Variants in CNBD1 observed in about 807,000 individuals in gnomAD.
The protein encoded by CNBD1 is cyclic nucleotide-binding domain-containing protein 1.
Under a neutral mutation model 54.4 loss-of-function variants are expected in CNBD1, and 71 were observed. The ratio of observed to expected loss-of-function variants is 1.30; its 90% CI spans 1.08 to 1.59. The LOEUF is 1.59. CNBD1 is among the 40% of genes most tolerant of loss of function. The pLI is 0.00. For synonymous variants in CNBD1, 182 were observed against 170.7 expected (o/e 1.07, Z -0.51); for missense variants, 659 against 518.0 (o/e 1.27, Z -2.64).
At chr8:87,244,926 TTTATC>T (rs1563521959) in intron 6 of CNBD1, among the ~76,000 whole-genome samples, 2 of 152,184 alleles carry the variant, frequency 1.3e-5, no homozygotes, top group Admixed American at 1.3e-4. Flanking sequence ...TTACATTTAT[TTTATC>T]TAAACTGATG....
chr8:87,239,495 T>A (rs954811599), intron 6 of CNBD1, among the ~76,000 whole-genome samples: 1 of 152,144 alleles, frequency 6.6e-6, no homozygotes, highest in Non-Finnish European at 1.5e-5. Flanking sequence ...TCTTTCTCCC[T>A]TTTTTGGCTT....
intron 8 of CNBD1, among the ~76,000 whole-genome samples, chr8:87,342,767 G>A (rs1007293667): frequency 2.0e-5 from 3 of 152,100 alleles, no homozygotes; most frequent in African/African-American, 7.2e-5. Context: ...AGGTCACAAG[G>A]ATCACATGCT....
intron 8 of CNBD1, among the ~76,000 whole-genome samples, chr8:87,333,128 A>C (rs1213454667): frequency 6.6e-6 from 1 of 152,010 alleles, no homozygotes; most frequent in African/African-American, 2.4e-5. Context: ...TATTCTCTTC[A>C]TAGCAATTGT....
intron 2 of CNBD1, among the ~76,000 whole-genome samples, chr8:87,424,684 A>T (rs962977692): frequency 6.6e-6 from 1 of 152,150 alleles, no homozygotes; most frequent in Non-Finnish European, 1.5e-5. Flanking sequence ...TTCTGCCAAG[A>T]GATCCGCTGT....
chr8:87,117,901 A>G (rs1239914509), intron 4 of CNBD1, among the ~76,000 whole-genome samples: 1 of 152,176 alleles, frequency 6.6e-6, no homozygotes, highest in Non-Finnish European at 1.5e-5. Flanking sequence ...TGTAATAAGA[A>G]CTTAGGATAT....
intron 4 of CNBD1, among the ~76,000 whole-genome samples, chr8:86,940,132 C>CTTTTTT (rs10671983): frequency 0.43 from 37,835 of 87,592 alleles, 10,698 homozygotes; most frequent in South Asian, 0.6. Context: ...CCACATGTTA[C>CTTTTTT]TTTTTTTTTT....
chr8:87,178,633 A>G (rs1022129419), intron 4 of CNBD1, among the ~76,000 whole-genome samples: 8 of 152,222 alleles, frequency 5.3e-5, no homozygotes, highest in African/African-American at 1.9e-4. Flanking sequence ...GGCATAGTAC[A>G]GTATTGAGCA....
At chr8:87,284,194 T>C (rs1808649247) in intron 6 of CNBD1, among the ~76,000 whole-genome samples, 1 of 152,138 alleles carries the variant, frequency 6.6e-6, no homozygotes, top group Non-Finnish European at 1.5e-5. Context: ...TGTATTCTAG[T>C]AGTAACATTT....
At chr8:87,061,175 ATTC>A (rs1418729211) in intron 4 of CNBD1, among the ~76,000 whole-genome samples, 2 of 152,194 alleles carry the variant, frequency 1.3e-5, no homozygotes, top group Non-Finnish European at 2.9e-5. Flanking sequence ...ATTGGAAAAA[ATTC>A]TTCTGCTCAA....
chr8:86,889,596 G>C (rs1022521985), intron 2 of CNBD1, among the ~76,000 whole-genome samples: 1 of 151,988 alleles, frequency 6.6e-6, no homozygotes, highest in Non-Finnish European at 1.5e-5. Context: ...AGTTTCTTCT[G>C]TTAGAATAAA....
chr8:86,925,403 G>C (rs764563152), intron 3 of CNBD1, among the ~76,000 whole-genome samples: 3 of 151,888 alleles, frequency 2.0e-5, no homozygotes, highest in Non-Finnish European at 4.4e-5. Flanking sequence ...GAATCTTACA[G>C]CAAACATCTT....
intron 8 of CNBD1, among the ~76,000 whole-genome samples, chr8:87,300,160 C>T (rs1808956544): frequency 6.6e-6 from 1 of 151,892 alleles, no homozygotes; most frequent in South Asian, 2.1e-4. Flanking sequence ...TATCAAAACT[C>T]AATATTATAG....
chr8:86,973,485 A>G (rs1319869578), intron 4 of CNBD1, among the ~76,000 whole-genome samples: 1 of 152,226 alleles, frequency 6.6e-6, no homozygotes, highest in Non-Finnish European at 1.5e-5. Context: ...CATGGCTTAC[A>G]TATAATTCAT....
intron 4 of CNBD1, among the ~76,000 whole-genome samples, chr8:87,009,430 A>G (rs928294713): frequency 6.6e-6 from 1 of 152,000 alleles, no homozygotes; most frequent in African/African-American, 2.4e-5. Context: ...CCTCCCGAGT[A>G]ACTGAGACTA....
chr8:86,941,949 C>T (rs981322226), intron 4 of CNBD1, among the ~76,000 whole-genome samples: 3 of 152,168 alleles, frequency 2.0e-5, no homozygotes, highest in African/African-American at 4.8e-5. Flanking sequence ...TACTATACGT[C>T]CCCCCTTTCA....
At position 87,323,787 on chromosome 8, in the gene CNBD1, C is replaced by A. The variant is rs1321136263; in HGVS notation, c.1043-27898C>A. Among the ~76,000 whole-genome samples the A allele has an allele frequency of 2.8e-4, 29 of 101,778 alleles. 3 individuals carry two copies. The highest frequency in any genetic ancestry group is 6.9e-4 in the African/African-American group (22 of 31,774). The allele number at this position is 101,778 out of a possible 152,430, so 66.8% of individuals were successfully genotyped here. On this transcript the variant is annotated intron_variant, in intron 8 of 10. Coordinates refer to ENST00000518476, the MANE Select transcript of CNBD1 (RefSeq NM_173538.3). ...ACTTCCTCTTTTCCTAATTGAATACCCTTTATTTCCTTCTCCTGCCTGATT... is the reference window on the plus strand; with the variant it reads ...ACTTCCTCTTTTCCTAATTGAATACACTTTATTTCCTTCTCCTGCCTGATT...
At chr8:86,974,589 A>G (rs1405618130) in intron 4 of CNBD1, among the ~76,000 whole-genome samples, 1 of 152,058 alleles carries the variant, frequency 6.6e-6, no homozygotes, top group African/African-American at 2.4e-5. Context: ...AGACAATAAT[A>G]CATGCCTATC....
intron 10 of CNBD1, among the ~76,000 whole-genome samples, chr8:87,367,114 C>T (rs1254404817): frequency 6.6e-6 from 1 of 152,026 alleles, no homozygotes; most frequent in East Asian, 1.9e-4. Context: ...GTCTTTTACA[C>T]ATGAGATTAT....
rs542865911 is a variant in CNBD1, at chr8:87,020,107, C to T, written c.431+80353C>T. Reference sequence around the variant, plus strand: ...ATGCCCAAACCTTCACTATCTTTATCATATTACTATATTAACATTAAACAT... The same window carrying T: ...ATGCCCAAACCTTCACTATCTTTATTATATTACTATATTAACATTAAACAT... On this transcript the variant is annotated intron_variant, in intron 4 of 10. Transcript: ENST00000518476. Among the ~76,000 whole-genome samples, 11 of 152,128 alleles carry T rather than the reference C, an allele frequency of 7.2e-5. No homozygotes were observed. In the South Asian group the frequency reaches 2.3e-3, roughly 32 times the overall value.
Sources: gnomAD v4.1 joint callset for allele counts (sites outside exome capture counted in the v4.1 genomes callset) on GRCh38, gnomAD v4.1.1 for gene constraint, MANE v1.5 for transcripts, NCBI Gene and HGNC (gene_info 2026-07-23, HGNC 2026-07-21) for gene names.